The following CRTAM variants were observed in gnomAD, a reference collection of about 807,000 sequenced individuals.
CRTAM encodes the protein cytotoxic and regulatory T cell molecule.
Under a neutral mutation model 50.0 loss-of-function variants are expected in CRTAM, and 44 were observed. The ratio of observed to expected loss-of-function variants is 0.88; its 90% CI spans 0.69 to 1.13. The LOEUF is 1.13. Among genes scored for constraint, CRTAM ranks in the 50% most tolerant of loss-of-function variants. The probability of loss-of-function intolerance (pLI) is 0.00; values close to 1 mark genes in which losing one functional copy is unlikely to be tolerated. For missense variants in CRTAM, 448 were observed against 457.5 expected (o/e 0.98, Z 0.19); for synonymous variants, 159 against 169.3 (o/e 0.94, Z 0.47).
chr11:122,844,452 G>A (rs1861837253), intron 1 of CRTAM, among the ~76,000 whole-genome samples: 1 of 152,184 alleles, frequency 6.6e-6, no homozygotes, highest in Non-Finnish European at 1.5e-5. Flanking sequence ...TGAAATTAGG[G>A]CATGTTTCTT....
intron 4 of CRTAM, among the ~76,000 whole-genome samples, chr11:122,854,583 C>T (rs1313639289): frequency 6.6e-6 from 1 of 151,212 alleles, no homozygotes; most frequent in East Asian, 1.9e-4. Context: ...TTGCTTGAAC[C>T]CAGGAGGTGG....
chr11:122,843,073 AC>A (rs1363244171), intron 1 of CRTAM, among the ~76,000 whole-genome samples: 1 of 152,226 alleles, frequency 6.6e-6, no homozygotes, highest in Non-Finnish European at 1.5e-5. Flanking sequence ...GCACATGAGA[AC>A]TTCCAAAATC....
rs773271875 is a variant in CRTAM, at chr11:122,854,017, T to G, written c.421T>G (p.Cys141Gly). The part of the protein sequence containing the change: ...QNGEEHVVLM[C>G]STMRSKPPPQ... Reference sequence around the variant, plus strand: ...TGGAGAAGAACATGTTGTACTCATGTGCTCCACCATGAGAAGCAAGCCCCC... The same window carrying G: ...TGGAGAAGAACATGTTGTACTCATGGGCTCCACCATGAGAAGCAAGCCCCC... The change falls in exon 4 of 10, where the codon TGC becomes GGC. Residue 141 changes from cysteine (C) to glycine (G), a missense_variant. By Grantham distance (159) the Cys-to-Gly change is radical. Transcript: ENST00000227348. 2 of 1,614,136 alleles carry G rather than the reference T, an allele frequency of 1.2e-6. No individual in the cohort carries two copies. The highest frequency in any genetic ancestry group is 3.3e-5 in the Admixed American group (2 of 60,026).
chr11:122,864,667 G>T lies in CRTAM; in HGVS notation c.765G>T (p.Glu255Asp), dbSNP rs1441106634. ...VSVTEDSSTSEIDKEEKEQTT... is the reference protein window; with the variant it reads ...VSVTEDSSTSDIDKEEKEQTT... ...TAACGGAAGATTCTAGTACATCGGAGATTGACAAGGAAGAGAAAGAACAAA... is the reference window on the plus strand; with the variant it reads ...TAACGGAAGATTCTAGTACATCGGATATTGACAAGGAAGAGAAAGAACAAA... The change falls in exon 7 of 10, where the codon GAG becomes GAT. Residue 255 changes from glutamate to aspartate, a missense_variant. Transcript: ENST00000227348. The T allele has an allele frequency of 6.2e-7, 1 of 1,613,600 alleles. No individual in the cohort carries two copies. The highest frequency in any genetic ancestry group is 8.5e-7 in the Non-Finnish European group (1 of 1,179,684).
chr11:122,864,831 G>A, intron 7 of CRTAM, 112 bp downstream of exon 7: 1 of 739,750 alleles, frequency 1.4e-6, no homozygotes, highest in Non-Finnish European at 2.3e-6. Context: ...TGCCCTTTAG[G>A]ACATGATTGG....
chr11:122,850,040 G>A (rs1489373718), intron 1 of CRTAM, 28 bp from the exon 2 acceptor site: 2 of 1,569,244 alleles, frequency 1.3e-6, no homozygotes, highest in Middle Eastern at 2.2e-4. Flanking sequence ...CCCCCGGCCT[G>A]ATCATCCCCA....
chr11:122,846,672 G>A (rs1216565309), intron 1 of CRTAM, among the ~76,000 whole-genome samples: 1 of 152,106 alleles, frequency 6.6e-6, no homozygotes, highest in Non-Finnish European at 1.5e-5. Flanking sequence ...AATAATGATT[G>A]TGTACCATGA....
intron 5 of CRTAM, 116 bp downstream of exon 5, chr11:122,855,972 G>A: frequency 1.2e-6 from 1 of 824,210 alleles, no homozygotes. Context: ...TGCCAACAAA[G>A]CTTTCCTAAT....
chr11:122,862,612 A>T (rs1442245764), intron 6 of CRTAM, 68 bp downstream of exon 6: 2 of 1,021,792 alleles, frequency 2.0e-6, no homozygotes, highest in Non-Finnish European at 1.5e-6. Flanking sequence ...TATTTTTCTC[A>T]TTCTAAGTTT....
chr11:122,842,571 C>T (rs767470076), intron 1 of CRTAM, among the ~76,000 whole-genome samples: 11 of 152,152 alleles, frequency 7.2e-5, no homozygotes, highest in South Asian at 4.1e-4. Context: ...TGAGCCACCA[C>T]GCCCGGCCTC....
intron 7 of CRTAM, among the ~76,000 whole-genome samples, chr11:122,865,281 T>G (rs929386890): frequency 6.6e-6 from 1 of 152,190 alleles, no homozygotes; most frequent in Non-Finnish European, 1.5e-5. Context: ...GTGATCTGCC[T>G]GCCTCGGCCT....
rs978373307 is a variant in CRTAM, at chr11:122,872,550, G to C, written c.*1151G>C. 14 of 152,506 alleles carry C rather than the reference G, an allele frequency of 9.2e-5. No individual in the cohort carries two copies. The highest frequency in any genetic ancestry group is 1.9e-4 in the Non-Finnish European group (13 of 68,010). 9.4% of individuals were successfully genotyped at this position (152,506 alleles called of 1,614,324 possible). On this transcript the variant is annotated 3_prime_UTR_variant, in exon 10 of 10. Transcript: ENST00000227348. ...AACATGGGACATGCCTTTCTTTTCC[G>C]ATCAGTTTATTTAAGCTATACAGCA...
chr11:122,868,728 G>T (rs1464053939), intron 9 of CRTAM, among the ~76,000 whole-genome samples: 1 of 152,178 alleles, frequency 6.6e-6, no homozygotes, highest in Non-Finnish European at 1.5e-5. Context: ...AAAGAAGGAG[G>T]CTGGGTACGG....
intron 5 of CRTAM, among the ~76,000 whole-genome samples, chr11:122,858,858 A>G (rs967030168): frequency 7.9e-5 from 12 of 152,222 alleles, no homozygotes; most frequent in Admixed American, 5.2e-4. Context: ...TAAAATGCGG[A>G]ATCTTGGTTT....
At position 122,868,078 on chromosome 11, in the gene CRTAM, T is replaced by C. The variant is rs1016770566; in HGVS notation, c.1030T>C (p.Ser344Pro). ...RSRSNNEETS[S>P]EEKNGQSSHP... ...AAGGTCAAATAATGAAGAAACATCATCTGAAGAGAAAAATGGCCAATGTAA... is the reference window on the plus strand; with the variant it reads ...AAGGTCAAATAATGAAGAAACATCACCTGAAGAGAAAAATGGCCAATGTAA... The change falls in exon 9 of 10, where the codon TCT (serine) becomes CCT (proline). Residue 344 changes from serine (S) to proline (P), a missense_variant. Coordinates refer to ENST00000227348, the MANE Select transcript of CRTAM (RefSeq NM_019604.4). The C allele has an allele frequency of 3.1e-6, 5 of 1,611,934 alleles. No homozygotes were observed. Among genetic ancestry groups the C allele is most frequent in the East Asian group, 4.5e-5 (2 of 44,854 alleles).
chr11:122,855,776 A>G lies in CRTAM; in HGVS notation c.572A>G (p.Asn191Ser), dbSNP rs762783028. 22 of 1,613,996 alleles carry G rather than the reference A, an allele frequency of 1.4e-5. No homozygotes were observed. Among genetic ancestry groups the G allele is most frequent in the Non-Finnish European group, 1.4e-5 (16 of 1,179,924 alleles). ...CTCATAATCCACACTTATGGCAAAA[A>G]TTCAACGGTGGACTGCATTATCCGA... The part of the protein sequence containing the change: ...STLIIHTYGK[N>S]STVDCIIRHR... Residue 191 changes from asparagine to serine, a missense_variant, in exon 5 of 10, where the codon AAT becomes AGT. Asn to Ser is a conservative substitution (Grantham distance 46). Coordinates refer to ENST00000227348, the MANE Select transcript of CRTAM (RefSeq NM_019604.4).
At chr11:122,851,583 G>T in intron 2 of CRTAM, 110 bp from the exon 3 acceptor site, 1 of 958,378 alleles carries the variant, frequency 1.0e-6, no homozygotes, top group South Asian at 1.5e-5. Context: ...AGATAGTTTT[G>T]ATTGTGCCAA....
intron 2 of CRTAM, among the ~76,000 whole-genome samples, chr11:122,850,705 T>A (rs895936542): frequency 6.6e-6 from 1 of 152,188 alleles, no homozygotes; most frequent in Non-Finnish European, 1.5e-5. Context: ...TCAAGATTTT[T>A]AAGCAATAGA....
intron 7 of CRTAM, among the ~76,000 whole-genome samples, chr11:122,865,001 A>T (rs899971019): frequency 1.3e-5 from 2 of 151,940 alleles, no homozygotes; most frequent in African/African-American, 4.8e-5. Flanking sequence ...TTCTGATTTT[A>T]CTTCTCCATC....
Sources: gnomAD v4.1 joint callset for allele counts (sites outside exome capture counted in the v4.1 genomes callset) on GRCh38, gnomAD v4.1.1 for gene constraint, MANE v1.5 for transcripts, NCBI Gene and HGNC (gene_info 2026-07-23, HGNC 2026-07-21) for gene names.